Variants in SLC39A9 observed in about 807,000 individuals in gnomAD.
SLC39A9 encodes the protein zinc transporter ZIP9.
A neutral mutation model predicts 28.4 loss-of-function variants in SLC39A9; 14 were observed. The ratio of observed to expected loss-of-function variants is 0.49; its 90% confidence interval spans 0.33 to 0.77. The LOEUF is 0.77. SLC39A9 is among the 30% of genes least tolerant of loss of function. The pLI is 0.02. For synonymous variants in SLC39A9, 119 were observed against 149.6 expected (o/e 0.80, Z 1.49); for missense variants, 283 against 381.1 (o/e 0.74, Z 2.14).
intron 1 of SLC39A9, among the ~76,000 whole-genome samples, chr14:69,399,917 C>T (rs933051901): frequency 2.6e-5 from 4 of 152,114 alleles, no homozygotes; most frequent in African/African-American, 9.7e-5. Flanking sequence ...GAGTTCTAGA[C>T]CAGCCTGGGC....
intron 1 of SLC39A9, among the ~76,000 whole-genome samples, chr14:69,406,849 T>TG (rs1171348422): frequency 4.9e-4 from 16 of 32,866 alleles, no homozygotes; most frequent in Admixed American, 1.0e-3. Flanking sequence ...AAATTCTTTG[T>TG]TTTTTTTTTT....
chr14:69,407,082 C>A (rs1018882900), intron 1 of SLC39A9, among the ~76,000 whole-genome samples: 3 of 151,802 alleles, frequency 2.0e-5, no homozygotes, highest in Non-Finnish European at 4.4e-5. Flanking sequence ...GATCTCCTGG[C>A]CTTGAGATCT....
chr14:69,446,491 C>A (rs1885310008), intron 3 of SLC39A9, among the ~76,000 whole-genome samples: 1 of 151,728 alleles, frequency 6.6e-6, no homozygotes, highest in Admixed American at 6.6e-5. Flanking sequence ...ATATAGGAAC[C>A]CTCTTAAAAG....
chr14:69,460,589 T>C lies in SLC39A9; in HGVS notation c.*1996T>C. Reference sequence around the variant, plus strand: ...GACAGTAGTGCTTTCTATCATATTGTTGTGTGCAATGGTAATTTGTTCTAC... The same window carrying C: ...GACAGTAGTGCTTTCTATCATATTGCTGTGTGCAATGGTAATTTGTTCTAC... On this transcript the variant is annotated 3_prime_UTR_variant, in exon 7 of 7. Transcript: ENST00000336643. 1.0e-6 allele frequency: 1 copy of C among 985,434 alleles called. No individual in the cohort carries two copies. The highest frequency in any genetic ancestry group is 1.2e-6 in the Non-Finnish European group (1 of 829,914). The allele number at this position is 985,434 out of a possible 1,614,324, so 61.0% of individuals were successfully genotyped here. A position where few individuals can be genotyped will look rare whatever the true frequency, so the allele number is the denominator to read the frequency against.
chr14:69,407,282 T>TTTCCTTCCTTCCCTTCCTTCC (rs1566906679), intron 1 of SLC39A9, among the ~76,000 whole-genome samples: 2 of 147,276 alleles, frequency 1.4e-5, no homozygotes, highest in African/African-American at 2.5e-5. Context: ...CTTTCTTTCC[T>TTTCCTTCCTTCCCTTCCTTCC]TTCCTTCCTT....
chr14:69,457,781 G>A (rs60317189), intron 6 of SLC39A9, among the ~76,000 whole-genome samples: 1 of 152,284 alleles, frequency 6.6e-6, no homozygotes, highest in African/African-American at 2.4e-5. Flanking sequence ...CAGCTACTTG[G>A]GAAGCTGAGA....
intron 1 of SLC39A9, among the ~76,000 whole-genome samples, chr14:69,414,119 C>T (rs1420305130): frequency 6.7e-6 from 1 of 149,568 alleles, no homozygotes; most frequent in Non-Finnish European, 1.5e-5. Flanking sequence ...GGCACAGTCT[C>T]AGCTCACTGC....
At chr14:69,428,964 A>G (rs1057310834) in intron 2 of SLC39A9, 2 of 152,338 alleles carry the variant, frequency 1.3e-5, no homozygotes, top group African/African-American at 2.4e-5. Flanking sequence ...CACCACGACA[A>G]TGTTCCTGCT....
intron 1 of SLC39A9, among the ~76,000 whole-genome samples, chr14:69,418,759 T>G (rs548323793): frequency 2.1e-4 from 32 of 152,316 alleles, no homozygotes; most frequent in Non-Finnish European, 4.4e-5. Context: ...GTCCAGGAAT[T>G]TATCCATGTC....
chr14:69,406,857 T>G lies in SLC39A9; in HGVS notation c.96+7392T>G, dbSNP rs959999942. ...AGACTGGAAATTCTTTGTTTTTTTT[T>G]TTTTTTTTTTTGAGATGGAGTCTTG... On this transcript the variant is annotated intron_variant, in intron 1 of 6. Transcript: ENST00000336643. 5.8e-5 allele frequency among the ~76,000 whole-genome samples: 8 copies of G among 138,202 alleles called. No homozygotes were observed. In the East Asian group the frequency reaches 8.1e-4, roughly 14 times the overall value. The allele number at this position is 138,202 out of a possible 152,430, so 90.7% of individuals were successfully genotyped here.
chr14:69,460,559 G>T lies in SLC39A9; in HGVS notation c.*1966G>T. 4.1e-6 allele frequency: 4 copies of T among 985,422 alleles called. No individual in the cohort carries two copies. The South Asian group carries it at 1.9e-4, about 46-fold the overall frequency. The allele number at this position is 985,422 out of a possible 1,614,324, so 61.0% of individuals were successfully genotyped here. A position where few individuals can be genotyped will look rare whatever the true frequency, so the allele number is the denominator to read the frequency against. On this transcript the variant is annotated 3_prime_UTR_variant, in exon 7 of 7. Coordinates refer to ENST00000336643, the MANE Select transcript of SLC39A9 (RefSeq NM_018375.5). ...ATAGCAGATTGTAGTGTCTGGTTTG[G>T]TTTGGACAGTAGTGCTTTCTATCAT...
At chr14:69,456,625 C>A (rs559303484) in intron 6 of SLC39A9, among the ~76,000 whole-genome samples, 1 of 152,224 alleles carries the variant, frequency 6.6e-6, no homozygotes, top group Non-Finnish European at 1.5e-5. Context: ...ATAATCCTGT[C>A]TGTAGCTCTG....
rs1020591386 is a variant in SLC39A9, at chr14:69,423,948, G to A, written c.97-146G>A. 6.5e-5 allele frequency: 36 copies of A among 553,460 alleles called. No individual in the cohort carries two copies. In the African/African-American group the frequency reaches 6.8e-4, roughly 10 times the overall value. The allele number at this position is 553,460 out of a possible 1,614,324, so 34.3% of individuals were successfully genotyped here. A position where few individuals can be genotyped will look rare whatever the true frequency, so the allele number is the denominator to read the frequency against. Reference sequence around the variant, plus strand: ...CTTTGTTTTACTTGGCATTACTCATGCAATTGATCATTTTTCATCTTCGCT... The same window carrying A: ...CTTTGTTTTACTTGGCATTACTCATACAATTGATCATTTTTCATCTTCGCT... On this transcript the variant is annotated intron_variant, in intron 1 of 6. Coordinates refer to ENST00000336643, the MANE Select transcript of SLC39A9 (RefSeq NM_018375.5).
intron 3 of SLC39A9, among the ~76,000 whole-genome samples, chr14:69,446,968 C>CGA (rs143464726): frequency 0.13 from 15,952 of 121,622 alleles, 976 homozygotes; most frequent in East Asian, 0.23. Context: ...AGAGAGAGAG[C>CGA]GAGAGAGAGA....
rs973083795 is a variant in SLC39A9, at chr14:69,462,015, T to G, written c.*3422T>G. 6.6e-6 allele frequency: 2 copies of G among 303,526 alleles called. No individual in the cohort carries two copies. Among genetic ancestry groups the G allele is most frequent in the East Asian group, 1.1e-4 (2 of 18,948 alleles). The allele number at this position is 303,526 out of a possible 1,614,324, so 18.8% of individuals were successfully genotyped here. On this transcript the variant is annotated 3_prime_UTR_variant, in exon 7 of 7. Transcript: ENST00000336643. ...AGATGCTGTGAAATTAAAACCTCTT[T>G]GTACCTGAGACATCTAGATTCACCT...
In SLC39A9 at chr14:69,444,873, G is replaced by A. The variant is rs189434079; in HGVS notation, c.403+2607G>A. The stretch of plus-strand genomic sequence containing the variant: ...AATCCCAGCATTTTGAGAGGCTGAG[G>A]TAGGATGATTACTTGAAACTGGAGT... On this transcript the variant is annotated intron_variant, in intron 3 of 6. Coordinates refer to ENST00000336643, the MANE Select transcript of SLC39A9 (RefSeq NM_018375.5). Among the ~76,000 whole-genome samples the A allele has an allele frequency of 3.0e-3, 464 of 152,190 alleles. 8 individuals carry two copies. The highest frequency in any genetic ancestry group is 0.026 in the Admixed American group (402 of 15,284).
chr14:69,409,025 A>G (rs1209699036), intron 1 of SLC39A9, among the ~76,000 whole-genome samples: 1 of 152,234 alleles, frequency 6.6e-6, no homozygotes, highest in Non-Finnish European at 1.5e-5. Flanking sequence ...GCTTGTAGAT[A>G]AGGAAACTGG....
rs1487375126 is a variant in SLC39A9, at chr14:69,461,481, G to A, written c.*2888G>A. On this transcript the variant is annotated 3_prime_UTR_variant, in exon 7 of 7. Coordinates refer to ENST00000336643, the MANE Select transcript of SLC39A9 (RefSeq NM_018375.5). ...TGGAAACAGTACTACCTACCTAGAG[G>A]TTATGTGTTTTCTCTTTCTCCCCGC... 1 of 1,420,404 alleles carries A rather than the reference G, an allele frequency of 7.0e-7. No homozygotes were observed. Among genetic ancestry groups the A allele is most frequent in the Non-Finnish European group, 9.2e-7 (1 of 1,090,318 alleles). 88.0% of individuals were successfully genotyped at this position (1,420,404 alleles called of 1,614,324 possible).
At chr14:69,456,601 C>T (rs1205893515) in intron 6 of SLC39A9, among the ~76,000 whole-genome samples, 1 of 152,148 alleles carries the variant, frequency 6.6e-6, no homozygotes, top group East Asian at 1.9e-4. Flanking sequence ...CCAAGCTGGA[C>T]CTTCCCATGC....
Sources: allele counts gnomAD v4.1 joint callset (sites outside exome capture counted in the v4.1 genomes callset), GRCh38; gene constraint gnomAD v4.1.1; transcripts MANE v1.5; gene names NCBI Gene and HGNC (gene_info 2026-07-23, HGNC 2026-07-21).